The following CFTR variants were observed in gnomAD, a reference collection of about 807,000 sequenced individuals.
CFTR encodes cystic fibrosis transmembrane conductance regulator.
A neutral mutation model predicts 171.6 loss-of-function variants in CFTR; 181 were observed. The observed-to-expected ratio is 1.05, with a 90% confidence interval of 0.93 to 1.19. The LOEUF (loss-of-function observed/expected upper bound fraction) is 1.19. Ranked by LOEUF, CFTR falls within the 50% of genes most tolerant of loss-of-function variation. The pLI is 0.00. For missense variants in CFTR, 1,968 were observed against 1,734.7 expected (o/e 1.13, Z -2.39); for synonymous variants, 583 against 608.0 (o/e 0.96, Z 0.60).
At position 117,548,808 on chromosome 7, in the gene CFTR, C is replaced by T. The variant is rs749599371; in HGVS notation, c.1377C>T (p.Ser459=). The change falls in exon 10 of 27, where the codon TCC becomes TCT. Residue 459 remains serine (S), a synonymous_variant. Coordinates refer to ENST00000003084, the MANE Select transcript of CFTR (RefSeq NM_000492.4). ...ERGQLLAVAG[S]TGAGKTSLLM... is the part of the protein sequence containing the mutation. The stretch of plus-strand genomic sequence containing the variant: ...GACAGTTGTTGGCGGTTGCTGGATC[C>T]ACTGGAGCAGGCAAGGTAGTTCTTT... The T allele has an allele frequency of 1.2e-6, 2 of 1,610,322 alleles. No individual in the cohort carries two copies. The highest frequency in any genetic ancestry group is 2.2e-5 in the East Asian group (1 of 44,792).
At chr7:117,559,686 T>A (rs1799428145) in intron 11 of CFTR, 31 bp downstream of exon 11, 1 of 1,498,980 alleles carries the variant, frequency 6.7e-7, no homozygotes, top group African/African-American at 1.4e-5. Flanking sequence ...TTTTTGATTA[T>A]GCATATGAAC....
chr7:117,628,020 G>T (rs1584830505), intron 22 of CFTR: 2 of 371,750 alleles, frequency 5.4e-6, no homozygotes, highest in Non-Finnish European at 9.8e-6. Context: ...TAATTGCTAG[G>T]TTAATAACTA....
chr7:117,485,965 C>T (rs1012161704), intron 1 of CFTR, among the ~76,000 whole-genome samples: 8 of 151,966 alleles, frequency 5.3e-5, no homozygotes, highest in East Asian at 1.9e-4. Flanking sequence ...TATTGTAGAT[C>T]GATGACATTC....
intron 7 of CFTR, among the ~76,000 whole-genome samples, chr7:117,538,467 A>G (rs1292206511): frequency 6.6e-6 from 1 of 151,990 alleles, no homozygotes; most frequent in African/African-American, 2.4e-5. Context: ...TTCTTATAGT[A>G]CCTATTCTTC....
At chr7:117,633,250 T>C (rs907418817) in intron 22 of CFTR, among the ~76,000 whole-genome samples, 1 of 152,184 alleles carries the variant, frequency 6.6e-6, no homozygotes, top group African/African-American at 2.4e-5. Flanking sequence ...TGTTCAAGTA[T>C]TTTGTTTTTG....
intron 23 of CFTR, among the ~76,000 whole-genome samples, chr7:117,648,785 A>T (rs928525932): frequency 2.6e-5 from 4 of 152,126 alleles, no homozygotes; most frequent in Admixed American, 2.6e-4. Context: ...CAGAACTAAG[A>T]CACCCACTGG....
At chr7:117,654,024 T>A (rs1793127255) in intron 24 of CFTR, among the ~76,000 whole-genome samples, 1 of 152,200 alleles carries the variant, frequency 6.6e-6, no homozygotes, top group South Asian at 2.1e-4. Context: ...TGAGAATAAT[T>A]TGCTTTGCTT....
rs1175397887 is a variant in CFTR, at chr7:117,665,540, A to G, written c.4218A>G (p.Ala1406=). The G allele has an allele frequency of 6.2e-7, 1 of 1,612,374 alleles. No homozygotes were observed. The highest frequency in any genetic ancestry group is 1.1e-5 in the South Asian group (1 of 91,054). The change falls in exon 26 of 27, where the codon GCA becomes GCG. Residue 1406 remains alanine (A), a synonymous_variant. Transcript: ENST00000003084. ...TVILCEHRIE[A]MLECQQFLVI... is the part of the protein sequence containing the mutation. ...TTCTCTGTGAACACAGGATAGAAGC[A>G]ATGCTGGAATGCCAACAATTTTTGG...
chr7:117,484,279 A>G (rs903284934), intron 1 of CFTR, among the ~76,000 whole-genome samples: 3 of 152,244 alleles, frequency 2.0e-5, no homozygotes, highest in Admixed American at 6.5e-5. Context: ...GCATAAAACA[A>G]AGGCCAATAT....
At chr7:117,611,091 G>A (rs546112884) in intron 19 of CFTR, among the ~76,000 whole-genome samples, 21 of 152,044 alleles carry the variant, frequency 1.4e-4, no homozygotes, top group Non-Finnish European at 2.4e-4. Context: ...CTGCCATTTC[G>A]TGTGCCCCCA....
At chr7:117,631,587 A>G (rs1383595041) in intron 22 of CFTR, among the ~76,000 whole-genome samples, 1 of 152,158 alleles carries the variant, frequency 6.6e-6, no homozygotes, top group Non-Finnish European at 1.5e-5. Context: ...GATAAGCCTT[A>G]ACTGGAACTT....
Position 117,535,385 on chromosome 7 carries a change from G to A in CFTR, c.717G>A (p.Gly239=). Residue 239 remains glycine, a synonymous_variant, in exon 6 of 27, where the codon GGG becomes GGA. Coordinates refer to ENST00000003084, the MANE Select transcript of CFTR (RefSeq NM_000492.4). ...FLIVLALFQA[G]LGRMMMKYRD... ...TAGTCCTTGCCCTTTTTCAGGCTGG[G>A]CTAGGGAGAATGATGATGAAGTACA... 6.2e-7 allele frequency: 1 copy of A among 1,614,096 alleles called. No individual in the cohort carries two copies. Among genetic ancestry groups the A allele is most frequent in the Non-Finnish European group, 8.5e-7 (1 of 1,180,020 alleles).
intron 11 of CFTR, chr7:117,564,538 C>G (rs1313866916): frequency 6.1e-6 from 1 of 162,906 alleles, no homozygotes; most frequent in African/African-American, 2.4e-5. Context: ...GGTTAAGCAG[C>G]TGGTGCCAGC....
intron 21 of CFTR, among the ~76,000 whole-genome samples, chr7:117,623,812 G>A (rs2116119399): frequency 6.6e-6 from 1 of 152,260 alleles, no homozygotes; most frequent in African/African-American, 2.4e-5. Context: ...ACTAGATGGG[G>A]AGGGATGTTT....
At chr7:117,551,062 A>T (rs1799261231) in intron 10 of CFTR, among the ~76,000 whole-genome samples, 1 of 152,224 alleles carries the variant, frequency 6.6e-6, no homozygotes, top group South Asian at 2.1e-4. Flanking sequence ...AGATAACCTA[A>T]TAGTTCTTCT....
chr7:117,579,667 G>A (rs1216511620), intron 11 of CFTR, among the ~76,000 whole-genome samples: 2 of 147,648 alleles, frequency 1.4e-5, no homozygotes, highest in African/African-American at 5.0e-5. Flanking sequence ...AGATATTAGA[G>A]CCATTAAAAA....
At chr7:117,615,482 C>T (rs1792472071) in intron 21 of CFTR, among the ~76,000 whole-genome samples, 1 of 152,012 alleles carries the variant, frequency 6.6e-6, no homozygotes, top group African/African-American at 2.4e-5. Context: ...CATTTTCATA[C>T]TATTATTTAA....
At chr7:117,532,608 A>G (rs1562889793) in intron 4 of CFTR, among the ~76,000 whole-genome samples, 1 of 152,190 alleles carries the variant, frequency 6.6e-6, no homozygotes. Flanking sequence ...AAACGGGTGT[A>G]GAGATCAAAT....
At chr7:117,529,692 A>C (rs1798827129) in intron 3 of CFTR, among the ~76,000 whole-genome samples, 1 of 152,108 alleles carries the variant, frequency 6.6e-6, no homozygotes, top group African/African-American at 2.4e-5. Flanking sequence ...TGATGTAGAA[A>C]GCATGGTCAT....
Sources: gnomAD v4.1 joint callset for allele counts (sites outside exome capture counted in the v4.1 genomes callset) on GRCh38, gnomAD v4.1.1 for gene constraint, MANE v1.5 for transcripts, NCBI Gene and HGNC (gene_info 2026-07-23, HGNC 2026-07-21) for gene names.